Variants in CFAP61 observed in about 807,000 individuals in gnomAD.
CFAP61 encodes cilia and flagella associated protein 61.
In CFAP61, 107 loss-of-function variants were observed where a neutral mutation model predicts 135.6. The ratio of observed to expected loss-of-function variants is 0.79; its 90% CI spans 0.67 to 0.93. The LOEUF (loss-of-function observed/expected upper bound fraction) is 0.93. CFAP61 is among the 40% of genes least tolerant of loss of function. The pLI is 0.00. For missense variants in CFAP61, 1,507 were observed against 1,556.2 expected, an observed-to-expected ratio of 0.97 and a Z score of 0.53; for synonymous variants, 575 against 578.5, an observed-to-expected ratio of 0.99 and a Z score of 0.09.
intron 20 of CFAP61, among the ~76,000 whole-genome samples, chr20:20,261,575 G>A (rs1245229298): frequency 2.0e-5 from 3 of 152,170 alleles, no homozygotes; most frequent in Non-Finnish European, 4.4e-5. Flanking sequence ...GAGGGACCAA[G>A]TGGTGGCCCA....
intron 10 of CFAP61, among the ~76,000 whole-genome samples, chr20:20,163,031 C>T (rs2053531228): frequency 6.6e-6 from 1 of 152,036 alleles, no homozygotes; most frequent in African/African-American, 2.4e-5. Flanking sequence ...AGAAACAGCA[C>T]CATAAGCATA....
intron 17 of CFAP61, chr20:20,221,382 TG>T (rs765809865): frequency 3.9e-5 from 6 of 152,190 alleles, no homozygotes; most frequent in Non-Finnish European, 7.3e-5. Flanking sequence ...GCTACTTGTT[TG>T]GGGGCTATTA....
chr20:20,161,659 G>T (rs1271162427), intron 10 of CFAP61, among the ~76,000 whole-genome samples: 2 of 152,160 alleles, frequency 1.3e-5, no homozygotes, highest in African/African-American at 4.8e-5. Flanking sequence ...GGAGTGACTG[G>T]AACACTGGAT....
In CFAP61 at chr20:20,090,891, C is replaced by A; in HGVS notation, c.614C>A (p.Thr205Lys). ...DLMPIFMRYDTILKETYGEYF... is the reference protein window; with the variant it reads ...DLMPIFMRYDKILKETYGEYF... ...ATGCCAATATTTATGCGCTATGACACAATTCTGAAGGAAACTTACGGTGAA... is the reference window on the plus strand; with the variant it reads ...ATGCCAATATTTATGCGCTATGACAAAATTCTGAAGGAAACTTACGGTGAA... The change falls in exon 7 of 27, where the codon ACA becomes AAA. Residue 205 changes from threonine to lysine, a missense_variant. Physicochemically the swap from Thr to Lys is moderately conservative, Grantham distance 78 (BLOSUM62 -1). Coordinates refer to ENST00000245957, the MANE Select transcript of CFAP61 (RefSeq NM_015585.4). The A allele has an allele frequency of 1.2e-6, 2 of 1,614,064 alleles. No individual in the cohort carries two copies. Among genetic ancestry groups the A allele is most frequent in the Non-Finnish European group, 1.7e-6 (2 of 1,179,990 alleles).
chr20:20,120,922 T>C (rs1461004212), intron 8 of CFAP61, among the ~76,000 whole-genome samples: 1 of 152,166 alleles, frequency 6.6e-6, no homozygotes, highest in Non-Finnish European at 1.5e-5. Flanking sequence ...GTAGTCAATT[T>C]CATCTGATAT....
intron 26 of CFAP61, among the ~76,000 whole-genome samples, chr20:20,348,962 T>G (rs549076550): frequency 2.3e-3 from 344 of 152,284 alleles, no homozygotes; most frequent in Non-Finnish European, 3.2e-3. Context: ...CTTTCACCAC[T>G]TATATTCAGC....
At chr20:20,231,371 C>T (rs1443755341) in intron 18 of CFAP61, among the ~76,000 whole-genome samples, 1 of 152,154 alleles carries the variant, frequency 6.6e-6, no homozygotes, top group African/African-American at 2.4e-5. Context: ...ACATGCATGG[C>T]AGGCATTTTC....
At chr20:20,160,155 G>A (rs6075627) in intron 10 of CFAP61, among the ~76,000 whole-genome samples, 137,286 of 152,236 alleles carry the variant, frequency 0.9, 62,721 homozygotes, top group Middle Eastern at 0.99. Flanking sequence ...TGAGTGGGAG[G>A]TTGGTACAAT....
chr20:20,241,975 TAAG>T (rs2050043389), intron 18 of CFAP61, among the ~76,000 whole-genome samples: 1 of 152,224 alleles, frequency 6.6e-6, no homozygotes, highest in African/African-American at 2.4e-5. Context: ...TCTTATCAAA[TAAG>T]AATATTCATT....
At position 20,252,315 on chromosome 20, in the gene CFAP61, G is replaced by A. The variant is rs867341873; in HGVS notation, c.2328+552G>A. On this transcript the variant is annotated intron_variant, in intron 20 of 26. Coordinates refer to ENST00000245957, the MANE Select transcript of CFAP61 (RefSeq NM_015585.4). ...GAGTAAAGCATTGCTGGATAACACT[G>A]AAGCTGTTCAATGTCTTAGGGCAGC... 3.3e-5 allele frequency among the ~76,000 whole-genome samples: 5 copies of A among 152,260 alleles called. No homozygotes were observed. The Middle Eastern group carries it at 0.01, about 311-fold the overall frequency.
intron 13 of CFAP61, among the ~76,000 whole-genome samples, chr20:20,179,032 C>G (rs1024337781): frequency 4.6e-5 from 7 of 151,936 alleles, no homozygotes; most frequent in African/African-American, 1.7e-4. Context: ...TAAAAAATTT[C>G]CCTATTTTCT....
chr20:20,119,199 C>T (rs76281613), intron 8 of CFAP61, among the ~76,000 whole-genome samples: 1 of 151,976 alleles, frequency 6.6e-6, no homozygotes, highest in African/African-American at 2.4e-5. Context: ...AATTAGTATT[C>T]GTTCTTTAAA....
At chr20:20,127,386 T>C (rs1477610243) in intron 8 of CFAP61, among the ~76,000 whole-genome samples, 1 of 151,820 alleles carries the variant, frequency 6.6e-6, no homozygotes, top group Non-Finnish European at 1.5e-5. Flanking sequence ...AGGCTGTTGT[T>C]CAGATTCTCT....
At chr20:20,287,985 T>G (rs1427802772) in intron 22 of CFAP61, among the ~76,000 whole-genome samples, 8 of 152,180 alleles carry the variant, frequency 5.3e-5, no homozygotes, top group Non-Finnish European at 1.2e-4. Context: ...ACACAGTGCC[T>G]GGCATATGGT....
intron 25 of CFAP61, among the ~76,000 whole-genome samples, chr20:20,339,566 C>A (rs2058359617): frequency 6.6e-6 from 1 of 152,112 alleles, no homozygotes. Flanking sequence ...AACTCCTGGG[C>A]TCAAGCGATC....
chr20:20,311,294 G>A (rs189367110), intron 25 of CFAP61, among the ~76,000 whole-genome samples: 291 of 152,296 alleles, frequency 1.9e-3, no homozygotes, highest in Non-Finnish European at 3.2e-3. Flanking sequence ...CAAAATCCTA[G>A]GAGCAGATGT....
At chr20:20,233,534 G>C (rs993347942) in intron 18 of CFAP61, among the ~76,000 whole-genome samples, 6 of 152,202 alleles carry the variant, frequency 3.9e-5, no homozygotes, top group Non-Finnish European at 7.3e-5. Context: ...CGGGACATCA[G>C]TTCTGGTGCA....
At chr20:20,314,612 T>C (rs1368397639) in intron 25 of CFAP61, among the ~76,000 whole-genome samples, 1 of 147,402 alleles carries the variant, frequency 6.8e-6, no homozygotes, top group Non-Finnish European at 1.5e-5. Flanking sequence ...TGTATACATG[T>C]GCCATGCTGG....
intron 6 of CFAP61, among the ~76,000 whole-genome samples, chr20:20,083,948 A>G (rs992975759): frequency 1.3e-5 from 2 of 152,242 alleles, no homozygotes; most frequent in African/African-American, 4.8e-5. Flanking sequence ...CTACAGTGGA[A>G]TACTATATGG....
Sources: gnomAD v4.1 joint callset for allele counts (sites outside exome capture counted in the v4.1 genomes callset) on GRCh38, gnomAD v4.1.1 for gene constraint, MANE v1.5 for transcripts, NCBI Gene and HGNC (gene_info 2026-07-23, HGNC 2026-07-21) for gene names.